The following AHSA1 variants were observed in gnomAD, a reference collection of about 807,000 sequenced individuals.
AHSA1 encodes the protein activator of HSP90 ATPase activity 1.
Under a neutral mutation model 46.1 loss-of-function variants are expected in AHSA1, and 14 were observed. The observed-to-expected ratio is 0.30, with a 90% CI of 0.20 to 0.47. The LOEUF (loss-of-function observed/expected upper bound fraction) is 0.47. AHSA1 is among the 20% of genes least tolerant of loss of function. AHSA1 has a pLI of 0.99. For synonymous variants in AHSA1, 147 were observed against 145.8 expected (o/e 1.01, Z -0.06); for missense variants, 333 against 415.9 (o/e 0.80, Z 1.73).
rs1056237901 is a variant in AHSA1 at position 77,463,143 on chromosome 14, G to A, written c.472+384G>A. On this transcript the variant is annotated intron_variant, in intron 4 of 8. Coordinates refer to ENST00000216479, the MANE Select transcript of AHSA1 (RefSeq NM_012111.3). ...AAAAATACAAAAATTAGCTGGATGC[G>A]GTGGCCCATGCCTGTAATCCCAGCT... is the stretch of plus-strand genomic sequence containing the variant. 5 of 214,150 alleles carry A rather than the reference G, an allele frequency of 2.3e-5. No homozygotes were observed. The East Asian group carries it at 3.2e-4, about 14-fold the overall frequency. 13.3% of individuals were successfully genotyped at this position (214,150 alleles called of 1,614,324 possible). A position where few individuals can be genotyped will look rare whatever the true frequency, so the allele number is the denominator to read the frequency against.
intron 2 of AHSA1, 137 bp downstream of exon 2, chr14:77,459,943 G>A: frequency 2.2e-6 from 2 of 914,308 alleles, no homozygotes; most frequent in Non-Finnish European, 3.4e-6. Context: ...CCTATGTAAA[G>A]CAGTATCGAG....
chr14:77,462,516 C>T (rs79260498), intron 3 of AHSA1, 126 bp from the exon 4 acceptor site: 18 of 909,282 alleles, frequency 2.0e-5, no homozygotes, highest in African/African-American at 1.8e-4. Flanking sequence ...GGGGATTGTA[C>T]GAATACCGCA....
At chr14:77,464,404 A>G (rs1391565112) in intron 4 of AHSA1, among the ~76,000 whole-genome samples, 194 bp from the exon 5 acceptor site, 2 of 152,194 alleles carry the variant, frequency 1.3e-5, no homozygotes, top group African/African-American at 2.4e-5. Context: ...CCCAGTGAAC[A>G]TACTGTATTC....
Position 77,469,439 on chromosome 14 carries a change from G to A in AHSA1, c.*190G>A. The stretch of plus-strand genomic sequence containing the variant: ...TCAGAGGGCAATTTCTCTTTTATGT[G>A]TACATATGCTAAATAAACATAATTT... On this transcript the variant is annotated 3_prime_UTR_variant, in exon 9 of 9. Transcript: ENST00000216479. 1.8e-6 allele frequency: 1 copy of A among 548,692 alleles called. No individual in the cohort carries two copies. The highest frequency in any genetic ancestry group is 3.2e-6 in the Non-Finnish European group (1 of 315,906). The allele number at this position is 548,692 out of a possible 1,614,324, so 34.0% of individuals were successfully genotyped here.
At chr14:77,457,951 C>A, upstream of AHSA1, 1 of 527,808 alleles carries the variant, frequency 1.9e-6, no homozygotes, top group South Asian at 2.7e-5. Context: ...CCGATGGAGT[C>A]TGAAGGATCT....
Position 77,462,166 on chromosome 14 carries a change from C to G in AHSA1, c.278C>G (p.Ser93Cys), listed in dbSNP as rs750145152. ...ATTGCATTGGTTTTGACAGGTACTT[C>G]TAAGTCAGGAGTACAATACAAAGGA... ...WSVKLNWTGT[S>C]KSGVQYKGHV... Residue 93 changes from serine (S) to cysteine (C), a missense_variant, in exon 3 of 9, where the codon TCT becomes TGT. Transcript: ENST00000216479. The G allele has an allele frequency of 6.2e-7, 1 of 1,610,498 alleles. No individual in the cohort carries two copies. Among genetic ancestry groups the G allele is most frequent in the Admixed American group, 1.7e-5 (1 of 60,014 alleles).
At chr14:77,462,038 C>G in intron 2 of AHSA1, 122 bp from the exon 3 acceptor site, 1 of 659,344 alleles carries the variant, frequency 1.5e-6, no homozygotes, top group Non-Finnish European at 2.6e-6. Flanking sequence ...GTGGCATTCT[C>G]AGAATAAAGA....
At chr14:77,468,840 C>T in intron 8 of AHSA1, 1 of 625,164 alleles carries the variant, frequency 1.6e-6, no homozygotes, top group Admixed American at 2.8e-5. Context: ...CCTCAGCCTC[C>T]CAAAGTGCTG....
At chr14:77,460,685 C>T (rs1272248958) in intron 2 of AHSA1, among the ~76,000 whole-genome samples, 3 of 151,526 alleles carry the variant, frequency 2.0e-5, no homozygotes, top group South Asian at 2.1e-4. Context: ...CCTGCCTCAG[C>T]CTCCCAAGTA....
intron 3 of AHSA1, 164 bp downstream of exon 3, chr14:77,462,406 G>C: frequency 1.3e-6 from 1 of 756,606 alleles, no homozygotes; most frequent in Non-Finnish European, 2.2e-6. Context: ...GAAACTTCTA[G>C]AGCAATTTGC....
chr14:77,461,737 C>T (rs17824238), intron 2 of AHSA1, among the ~76,000 whole-genome samples: 7,677 of 152,206 alleles, frequency 0.05, 375 homozygotes, highest in Admixed American at 0.15. Context: ...TGAGGCTTTC[C>T]GTATTCACCT....
intron 1 of AHSA1, 59 bp downstream of exon 1, chr14:77,458,328 G>A: frequency 6.6e-7 from 1 of 1,520,906 alleles, no homozygotes; most frequent in Non-Finnish European, 8.9e-7. Context: ...AGGGTTTCAG[G>A]GTTCCTAGAA....
chr14:77,465,468 GTC>G, intron 5 of AHSA1, 69 bp from the exon 6 acceptor site: 1 of 1,537,466 alleles, frequency 6.5e-7, no homozygotes, highest in Non-Finnish European at 8.9e-7. Flanking sequence ...TGGTACAACT[GTC>G]TCTGAAGCCA....
chr14:77,459,986 A>C, intron 2 of AHSA1, 180 bp downstream of exon 2: 2 of 676,040 alleles, frequency 3.0e-6, no homozygotes, highest in Non-Finnish European at 5.0e-6. Context: ...TGGGATGCTA[A>C]ATGGATTTCC....
chr14:77,462,237 G>A lies in AHSA1; in HGVS notation c.349G>A (p.Val117Met), dbSNP rs1206796976. The A allele has an allele frequency of 2.5e-6, 4 of 1,612,916 alleles. No individual in the cohort carries two copies. The highest frequency in any genetic ancestry group is 3.3e-5 in the Admixed American group (2 of 60,004). Residue 117 changes from valine (V) to methionine (M), a missense_variant, in exon 3 of 9, where the codon GTG (valine) becomes ATG (methionine). By Grantham distance (21) the Val-to-Met change is conservative (BLOSUM62 1). Transcript: ENST00000216479. The part of the protein sequence containing the change: ...NLSDENSVDE[V>M]EISVSLAKDE... The stretch of plus-strand genomic sequence containing the variant: ...GTCTGATGAAAACAGCGTGGATGAA[G>A]TGGAGGTTTGTGCTTCATAACTCCT...
Position 77,462,216 on chromosome 14 carries a change from G to A in AHSA1, c.328G>A (p.Asp110Asn). The A allele has an allele frequency of 6.2e-7, 1 of 1,613,798 alleles. No homozygotes were observed. The highest frequency in any genetic ancestry group is 8.5e-7 in the Non-Finnish European group (1 of 1,179,658). ...ACATGTGGAGATCCCCAATTTGTCT[G>A]ATGAAAACAGCGTGGATGAAGTGGA... Reference protein sequence around the residue: ...KGHVEIPNLSDENSVDEVEIS... With the variant: ...KGHVEIPNLSNENSVDEVEIS... The change falls in exon 3 of 9, where the codon GAT becomes AAT. Residue 110 changes from aspartate (D) to asparagine (N), a missense_variant. Physicochemically the swap from Asp to Asn is conservative, Grantham distance 23 (BLOSUM62 1). Coordinates refer to ENST00000216479, the MANE Select transcript of AHSA1 (RefSeq NM_012111.3).
At chr14:77,463,708 T>C (rs565983123) in intron 4 of AHSA1, among the ~76,000 whole-genome samples, 11 of 152,364 alleles carry the variant, frequency 7.2e-5, no homozygotes, top group African/African-American at 2.6e-4. Flanking sequence ...GGACTATCTT[T>C]GATATGCACT....
At chr14:77,458,663 A>G (rs535054303) in intron 1 of AHSA1, among the ~76,000 whole-genome samples, 33 of 152,256 alleles carry the variant, frequency 2.2e-4, no homozygotes, top group Admixed American at 2.6e-4. Flanking sequence ...TGTAATTCCT[A>G]TTTTGCGGCC....
rs191997822 is a variant in AHSA1 at position 77,468,370 on chromosome 14, C to T, written c.793-87C>T. 27 of 1,334,434 alleles carry T rather than the reference C, an allele frequency of 2.0e-5. No individual in the cohort carries two copies. The Admixed American group carries it at 3.8e-4, about 19-fold the overall frequency. The allele number at this position is 1,334,434 out of a possible 1,614,324, so 82.7% of individuals were successfully genotyped here. ...GTAATATAATTGCACAGATGGTAGA[C>T]TCCGTATGAAGGGCAGATGACTGAT... On this transcript the variant is annotated intron_variant, in intron 7 of 8. Coordinates refer to ENST00000216479, the MANE Select transcript of AHSA1 (RefSeq NM_012111.3).
Sources: allele counts gnomAD v4.1 joint callset (sites outside exome capture counted in the v4.1 genomes callset), GRCh38; gene constraint gnomAD v4.1.1; transcripts MANE v1.5; gene names NCBI Gene and HGNC (gene_info 2026-07-23, HGNC 2026-07-21).